The following SOX5 variants were observed in gnomAD, a reference collection of about 807,000 sequenced individuals.
SOX5 encodes transcription factor SOX-5.
In SOX5, 9 loss-of-function variants were observed where a neutral mutation model predicts 92.0. The observed-to-expected ratio is 0.10, with a 90% CI of 0.06 to 0.17. The LOEUF (loss-of-function observed/expected upper bound fraction) is 0.17, where lower values mean the gene tolerates loss of function less well. Among genes scored for constraint, SOX5 ranks in the 10% least tolerant of loss-of-function variants. SOX5 has a pLI of 1.00. For missense variants in SOX5, 642 were observed against 944.5 expected (o/e 0.68, Z 4.20); for synonymous variants, 344 against 336.3 (o/e 1.02, Z -0.25).
At chr12:23,863,776 T>C (rs1276087793) in intron 2 of SOX5, among the ~76,000 whole-genome samples, 3 of 149,212 alleles carry the variant, frequency 2.0e-5, no homozygotes, top group Non-Finnish European at 4.4e-5. Context: ...AACTCCTAAA[T>C]AACATTTTAA....
intron 1 of SOX5, among the ~76,000 whole-genome samples, chr12:24,526,350 C>T (rs775536015): frequency 2.0e-5 from 3 of 152,024 alleles, no homozygotes; most frequent in African/African-American, 2.4e-5. Context: ...GAGAGAAGAA[C>T]GTGGGTGGAG....
At chr12:23,645,573 ACC>A (rs2080729277) in intron 7 of SOX5, among the ~76,000 whole-genome samples, 1 of 152,204 alleles carries the variant, frequency 6.6e-6, no homozygotes, top group Admixed American at 6.5e-5. Context: ...TTAGCAAAAC[ACC>A]TGCAGATGTT....
chr12:24,133,576 C>A (rs992727139), intron 4 of SOX5, among the ~76,000 whole-genome samples: 2 of 152,108 alleles, frequency 1.3e-5, no homozygotes, highest in Non-Finnish European at 2.9e-5. Context: ...CTCTTCAAAG[C>A]ACAAAGGGGG....
intron 1 of SOX5, among the ~76,000 whole-genome samples, chr12:24,454,389 C>A (rs1042963713): frequency 3.0e-4 from 45 of 152,188 alleles, no homozygotes; most frequent in African/African-American, 9.9e-4. Context: ...CATGAAATTG[C>A]ATGCTGTGTG....
chr12:23,958,603 A>G (rs1350300464), intron 4 of SOX5, among the ~76,000 whole-genome samples: 1 of 151,912 alleles, frequency 6.6e-6, no homozygotes, highest in Non-Finnish European at 1.5e-5. Context: ...AAGTCTTTTG[A>G]TTACAAACCT....
chr12:23,744,389 G>A (rs2093910303), intron 4 of SOX5, among the ~76,000 whole-genome samples: 1 of 152,064 alleles, frequency 6.6e-6, no homozygotes, highest in Non-Finnish European at 1.5e-5. Context: ...GCAGAATGGG[G>A]TATCTCTGAG....
chr12:23,703,727 G>GACAC (rs61366137), intron 6 of SOX5, among the ~76,000 whole-genome samples: 12,907 of 148,702 alleles, frequency 0.087, 725 homozygotes, highest in African/African-American at 0.16. Context: ...TTTCTCAGGG[G>GACAC]ACACACACAC....
chr12:24,339,537 AG>A (rs1235058551), intron 2 of SOX5, among the ~76,000 whole-genome samples: 3 of 152,224 alleles, frequency 2.0e-5, no homozygotes, highest in Non-Finnish European at 4.4e-5. Flanking sequence ...ACTTATTCTC[AG>A]TGCACTGGGA....
At chr12:23,967,401 A>G (rs979449475) in intron 4 of SOX5, among the ~76,000 whole-genome samples, 5 of 152,038 alleles carry the variant, frequency 3.3e-5, no homozygotes, top group Non-Finnish European at 7.4e-5. Context: ...AAATATGCAA[A>G]ATATTTTAAG....
intron 4 of SOX5, among the ~76,000 whole-genome samples, chr12:24,051,683 C>G (rs1291797083): frequency 6.6e-6 from 1 of 152,178 alleles, no homozygotes; most frequent in Non-Finnish European, 1.5e-5. Context: ...GAGAAGAAAA[C>G]TGCCTTCTAA....
At chr12:24,546,491 C>T (rs879774200) in intron 1 of SOX5, among the ~76,000 whole-genome samples, 11 of 152,296 alleles carry the variant, frequency 7.2e-5, no homozygotes, top group African/African-American at 2.2e-4. Flanking sequence ...CTGTACTCTA[C>T]GCTCTACCTA....
chr12:23,844,685 A>T (rs1185201453), intron 3 of SOX5, among the ~76,000 whole-genome samples: 1 of 152,192 alleles, frequency 6.6e-6, no homozygotes, highest in Admixed American at 6.6e-5. Flanking sequence ...TATAAAAATA[A>T]TTAAACATTA....
intron 3 of SOX5, among the ~76,000 whole-genome samples, chr12:23,763,155 C>A (rs74069195): frequency 3.9e-5 from 6 of 152,146 alleles, no homozygotes; most frequent in Non-Finnish European, 7.4e-5. Flanking sequence ...TGCCCTTTGG[C>A]AAGTAATGTA....
chr12:23,641,584 T>C (rs1022724566), intron 7 of SOX5, among the ~76,000 whole-genome samples: 13 of 152,298 alleles, frequency 8.5e-5, no homozygotes, highest in African/African-American at 2.2e-4. Context: ...TTTACTGTTA[T>C]ATGACCTGTA....
At chr12:23,808,365 T>A (rs780759130) in intron 3 of SOX5, among the ~76,000 whole-genome samples, 25 of 152,102 alleles carry the variant, frequency 1.6e-4, no homozygotes, top group Admixed American at 1.2e-3. Flanking sequence ...GACACTCTCT[T>A]CCAATGTAAG....
At chr12:24,211,065 C>T (rs1958557535) in intron 4 of SOX5, among the ~76,000 whole-genome samples, 1 of 152,154 alleles carries the variant, frequency 6.6e-6, no homozygotes, top group Non-Finnish European at 1.5e-5. Flanking sequence ...ATAGCGTCAT[C>T]TCTCACTTGT....
chr12:23,589,180 T>C (rs1441926080), intron 9 of SOX5, among the ~76,000 whole-genome samples: 1 of 152,008 alleles, frequency 6.6e-6, no homozygotes, highest in African/African-American at 2.4e-5. Flanking sequence ...TCTGCCATTT[T>C]TGAGATAATT....
intron 3 of SOX5, among the ~76,000 whole-genome samples, chr12:23,782,434 C>T (rs1012441239): frequency 7.0e-4 from 106 of 152,112 alleles, no homozygotes; most frequent in African/African-American, 2.3e-3. Context: ...AAGAATTTAA[C>T]GTAACCTTGT....
At chr12:24,126,460 A>T (rs1949114295) in intron 4 of SOX5, among the ~76,000 whole-genome samples, 1 of 152,140 alleles carries the variant, frequency 6.6e-6, no homozygotes, top group Non-Finnish European at 1.5e-5. Flanking sequence ...CTCTCTTCAC[A>T]CCATGCTATC....
Sources: gnomAD v4.1 joint callset for allele counts (sites outside exome capture counted in the v4.1 genomes callset) on GRCh38, gnomAD v4.1.1 for gene constraint, MANE v1.5 for transcripts, NCBI Gene and HGNC (gene_info 2026-07-23, HGNC 2026-07-21) for gene names.